The following NBEAL1 variants were observed in gnomAD, a reference collection of about 807,000 sequenced individuals.
The protein encoded by NBEAL1 is neurobeachin-like protein 1.
A neutral mutation model predicts 351.3 loss-of-function variants in NBEAL1; 273 were observed. The ratio of observed to expected loss-of-function variants is 0.78; its 90% confidence interval spans 0.70 to 0.86. The LOEUF (loss-of-function observed/expected upper bound fraction) is 0.86. Ranked by LOEUF, NBEAL1 falls within the 40% of genes least tolerant of loss-of-function variation. The pLI is 0.00. For synonymous variants in NBEAL1, 1,050 were observed against 1,086.4 expected (o/e 0.97, Z 0.66); for missense variants, 2,961 against 3,201.3 (o/e 0.92, Z 1.81).
chr2:203,112,099 G>A lies in NBEAL1; in HGVS notation c.2202+1G>A, dbSNP rs1008538214. The A allele has an allele frequency of 7.1e-6, 11 of 1,551,426 alleles. No individual in the cohort carries two copies. Among genetic ancestry groups the A allele is most frequent in the East Asian group, 2.4e-5 (1 of 41,016 alleles). On this transcript the variant is annotated splice_donor_variant, in intron 16 of 55. Coordinates refer to ENST00000683969, the MANE Select transcript of NBEAL1 (RefSeq NM_001378026.1). LOFTEE classifies it high-confidence loss of function. ...TCTCAGATTTCCTGCCATGAATGAA[G>A]TAAGTATATCCAACCTACTCTTTAC...
At chr2:203,041,740 T>C in intron 2 of NBEAL1, 25 bp from the exon 3 acceptor site, 2 of 1,496,154 alleles carry the variant, frequency 1.3e-6, no homozygotes, top group Middle Eastern at 1.7e-4. Context: ...GCATACTTAA[T>C]ATTATAATGG....
Position 203,110,098 on chromosome 2 carries a change from A to G in NBEAL1, c.1950-52A>G, listed in dbSNP as rs986765294. 4 of 1,493,996 alleles carry G rather than the reference A, an allele frequency of 2.7e-6. No individual in the cohort carries two copies. The African/African-American group carries it at 5.6e-5, about 21-fold the overall frequency. The allele number at this position is 1,493,996 out of a possible 1,614,324, so 92.5% of individuals were successfully genotyped here. On this transcript the variant is annotated intron_variant, in intron 14 of 55. Coordinates refer to ENST00000683969, the MANE Select transcript of NBEAL1 (RefSeq NM_001378026.1). ...TATGGTTTTATGTACTTTAATGATG[A>G]TGAAACTGAACAACCAACTTTAAAA...
intron 10 of NBEAL1, among the ~76,000 whole-genome samples, chr2:203,089,166 C>G (rs1035381531): frequency 7.2e-5 from 11 of 152,244 alleles, no homozygotes; most frequent in Admixed American, 7.2e-4. Flanking sequence ...CCAGACCAGC[C>G]TGGCCAACAT....
At chr2:203,145,948 G>A (rs771797421) in intron 33 of NBEAL1, among the ~76,000 whole-genome samples, 23 of 150,360 alleles carry the variant, frequency 1.5e-4, no homozygotes, top group Non-Finnish European at 3.3e-4. Flanking sequence ...AACCAAGGTC[G>A]AATTCTTCAA....
chr2:203,187,100 A>C (rs1485873244), intron 44 of NBEAL1, among the ~76,000 whole-genome samples: 2 of 152,142 alleles, frequency 1.3e-5, no homozygotes, highest in Non-Finnish European at 2.9e-5. Flanking sequence ...GGACTGAGAA[A>C]TGTCCCCCGG....
rs887193433 is a variant in NBEAL1 at position 203,127,798 on chromosome 2, A to G, written c.3266A>G (p.Asn1089Ser). 9.3e-6 allele frequency: 14 copies of G among 1,510,452 alleles called. No homozygotes were observed. In the African/African-American group the frequency reaches 1.9e-4, roughly 21 times the overall value. The allele number at this position is 1,510,452 out of a possible 1,614,324, so 93.6% of individuals were successfully genotyped here. ...RIYYGNGCKY[N>S]ELSLDDIRTI... ...TCTTTCAGGAATGGTTGTAAATATA[A>G]TGAACTATCTCTAGATGATATTCGA... Residue 1089 changes from asparagine to serine, a missense_variant, in exon 24 of 56, where the codon AAT (asparagine) becomes AGT (serine). Asn to Ser is a conservative substitution (Grantham distance 46). Coordinates refer to ENST00000683969, the MANE Select transcript of NBEAL1 (RefSeq NM_001378026.1).
intron 23 of NBEAL1, among the ~76,000 whole-genome samples, 198 bp from the exon 24 acceptor site, chr2:203,127,583 G>T (rs574965681): frequency 6.6e-6 from 1 of 152,070 alleles, no homozygotes; most frequent in South Asian, 2.1e-4. Flanking sequence ...TTAGCTGGGC[G>T]TGGTGGCGTG....
At chr2:203,216,577 C>G (rs528447514) in intron 55 of NBEAL1, among the ~76,000 whole-genome samples, 117 of 151,980 alleles carry the variant, frequency 7.7e-4, no homozygotes, top group African/African-American at 2.7e-3. Flanking sequence ...CTCATCTCTA[C>G]AAACAAATAA....
chr2:203,126,675 A>G lies in NBEAL1; in HGVS notation c.3104A>G (p.Asp1035Gly), dbSNP rs1445242906. The G allele has an allele frequency of 6.6e-7, 1 of 1,523,882 alleles. No individual in the cohort carries two copies. The highest frequency in any genetic ancestry group is 8.8e-7 in the Non-Finnish European group (1 of 1,136,124). The allele number at this position is 1,523,882 out of a possible 1,614,324, so 94.4% of individuals were successfully genotyped here. ...CAAATGTATCAATATTTACTCTTTG[A>G]CTTTCGTATTTGGAACCGTGGAGAT... The part of the protein sequence containing the change: ...LQQMYQYLLF[D>G]FRIWNRGDFP... The change falls in exon 22 of 56, where the codon GAC (aspartate) becomes GGC (glycine). Residue 1035 changes from aspartate to glycine, a missense_variant. Asp to Gly is a moderately conservative substitution (Grantham distance 94). Coordinates refer to ENST00000683969, the MANE Select transcript of NBEAL1 (RefSeq NM_001378026.1).
chr2:203,170,879 A>G (rs2064297563), intron 39 of NBEAL1, among the ~76,000 whole-genome samples: 1 of 152,196 alleles, frequency 6.6e-6, no homozygotes, highest in African/African-American at 2.4e-5. Context: ...AAATAGTTGG[A>G]TAGTTTTAAT....
chr2:203,134,231 G>A lies in NBEAL1; in HGVS notation c.3813+1085G>A, dbSNP rs566371368. ...TATAAATTGATCCTTTCCTTTTCAC[G>A]TATAATTAGAAACAGCTCTCAGTGC... On this transcript the variant is annotated intron_variant, in intron 27 of 55. Coordinates refer to ENST00000683969, the MANE Select transcript of NBEAL1 (RefSeq NM_001378026.1). 5.3e-5 allele frequency among the ~76,000 whole-genome samples: 8 copies of A among 152,066 alleles called. No homozygotes were observed. The South Asian group carries it at 6.2e-4, about 12-fold the overall frequency.
intron 41 of NBEAL1, among the ~76,000 whole-genome samples, chr2:203,174,670 A>C (rs2064436902): frequency 6.6e-6 from 1 of 152,006 alleles, no homozygotes; most frequent in Non-Finnish European, 1.5e-5. Context: ...AGGCAGGTGG[A>C]TCACAAGGTC....
chr2:203,032,628 A>G (rs771523255), intron 2 of NBEAL1, among the ~76,000 whole-genome samples: 85 of 151,260 alleles, frequency 5.6e-4, no homozygotes, highest in Non-Finnish European at 1.0e-3. Context: ...CATAAGAACA[A>G]AAACCCAAAG....
At chr2:203,054,383 G>A (rs181858136) in intron 4 of NBEAL1, among the ~76,000 whole-genome samples, 42 of 150,736 alleles carry the variant, frequency 2.8e-4, no homozygotes, top group Admixed American at 6.6e-4. Context: ...CCGAGATCAC[G>A]CCACTGCACT....
intron 11 of NBEAL1, among the ~76,000 whole-genome samples, chr2:203,098,752 G>T (rs993476466): frequency 3.3e-5 from 5 of 151,996 alleles, no homozygotes; most frequent in African/African-American, 9.7e-5. Context: ...AATACTTAGA[G>T]ATACTTATTT....
intron 23 of NBEAL1, 33 bp downstream of exon 23, chr2:203,126,959 T>A: frequency 7.2e-7 from 1 of 1,398,096 alleles, no homozygotes; most frequent in Non-Finnish European, 9.9e-7. Context: ...CAGTTTGATA[T>A]ATTATTTTCT....
chr2:203,053,620 T>C (rs562668673), intron 4 of NBEAL1, among the ~76,000 whole-genome samples: 20 of 152,136 alleles, frequency 1.3e-4, no homozygotes, highest in Middle Eastern at 3.4e-3. Context: ...GTTATCCTCC[T>C]TCTTCAGTTC....
intron 42 of NBEAL1, among the ~76,000 whole-genome samples, chr2:203,178,249 C>T (rs1281359090): frequency 6.6e-6 from 1 of 151,354 alleles, no homozygotes; most frequent in African/African-American, 2.4e-5. Flanking sequence ...ACTGCAACCT[C>T]CATCTCCTAG....
chr2:203,211,271 G>A (rs564659410), intron 54 of NBEAL1, among the ~76,000 whole-genome samples, 165 bp downstream of exon 54: 105 of 152,044 alleles, frequency 6.9e-4, no homozygotes, highest in African/African-American at 2.4e-3. Context: ...AGTATTCCTA[G>A]ATTCATAAAG....
Sources: allele counts gnomAD v4.1 joint callset (sites outside exome capture counted in the v4.1 genomes callset), GRCh38; gene constraint gnomAD v4.1.1; transcripts MANE v1.5; gene names NCBI Gene and HGNC (gene_info 2026-07-23, HGNC 2026-07-21).